The following KANSL1L variants were observed in gnomAD, a reference collection of about 807,000 sequenced individuals.
KANSL1L encodes KAT8 regulatory NSL complex subunit 1 like.
Under a neutral mutation model 108.6 loss-of-function variants are expected in KANSL1L, and 25 were observed. That is an observed-to-expected ratio of 0.23 (90% confidence interval 0.17 to 0.32). KANSL1L has a LOEUF of 0.32. KANSL1L is among the 10% of genes least tolerant of loss of function. KANSL1L has a pLI of 1.00. For missense variants in KANSL1L, 1,137 were observed against 1,125.7 expected (o/e 1.01, Z -0.14); for synonymous variants, 405 against 395.1 (o/e 1.03, Z -0.30).
chr2:210,076,746 C>A (rs2094545316), intron 5 of KANSL1L, among the ~76,000 whole-genome samples: 1 of 151,330 alleles, frequency 6.6e-6, no homozygotes, highest in Non-Finnish European at 1.5e-5. Context: ...AGGATGATAA[C>A]CCTCGTTGCC....
Position 210,121,037 on chromosome 2 carries a change from C to T in KANSL1L, c.1230+7994G>A, listed in dbSNP as rs559131284. Among the ~76,000 whole-genome samples the T allele has an allele frequency of 3.9e-5, 6 of 152,280 alleles. 1 individual carries two copies. The highest frequency in any genetic ancestry group is 4.2e-4 in the South Asian group (2 of 4,818). On this transcript the variant is annotated intron_variant, in intron 3 of 14. Transcript: ENST00000281772. ...TTGTGGAGAAAAAGGAATGCTTTTA[C>T]ACCACTGGTGAGAGTGAAATTAGTT...
intron 8 of KANSL1L, chr2:210,032,097 T>C (rs1357798558): frequency 6.6e-6 from 1 of 152,282 alleles, no homozygotes; most frequent in Non-Finnish European, 1.5e-5. Context: ...TTATCATGAT[T>C]GTATATCTGA....
At chr2:210,141,022 ACTTTT>A (rs1484486452) in intron 2 of KANSL1L, among the ~76,000 whole-genome samples, 1 of 151,992 alleles carries the variant, frequency 6.6e-6, no homozygotes, top group Non-Finnish European at 1.5e-5. Flanking sequence ...GGGTCTTTAC[ACTTTT>A]CTTATCTCTA....
intron 8 of KANSL1L, among the ~76,000 whole-genome samples, chr2:210,036,175 T>C (rs983856124): frequency 2.0e-5 from 3 of 152,200 alleles, no homozygotes; most frequent in East Asian, 1.9e-4. Context: ...TCCTTATTTA[T>C]ATCTTCTTTA....
chr2:210,074,818 ATAG>A (rs1309266056), intron 6 of KANSL1L, among the ~76,000 whole-genome samples: 6 of 152,240 alleles, frequency 3.9e-5, no homozygotes, highest in African/African-American at 1.4e-4. Context: ...ACAATATTAA[ATAG>A]TAGTATCAAT....
intron 4 of KANSL1L, among the ~76,000 whole-genome samples, chr2:210,100,663 G>C (rs1380544171): frequency 6.6e-6 from 1 of 152,144 alleles, no homozygotes. Context: ...GTTTCAGACA[G>C]TGTCTCGTTC....
rs200658348 is a variant in KANSL1L at position 210,104,214 on chromosome 2, T to G, written c.1318A>C (p.Ile440Leu). 6.2e-7 allele frequency: 1 copy of G among 1,613,744 alleles called. No homozygotes were observed. Among genetic ancestry groups the G allele is most frequent in the Non-Finnish European group, 8.5e-7 (1 of 1,179,676 alleles). The change falls in exon 4 of 15, where the codon ATT becomes CTT. Residue 440 changes from isoleucine to leucine, a missense_variant. By Grantham distance (5) the Ile-to-Leu change is conservative (BLOSUM62 2). Around this residue, in one of 3 missense-constraint regions of KANSL1L, gnomAD observed 556 missense variants for 537.7 expected, o/e 1.03. Coordinates refer to ENST00000281772, the MANE Select transcript of KANSL1L (RefSeq NM_152519.4). ...QFADQAASLN[I>L]LGNPQVPQEC... The stretch of plus-strand genomic sequence containing the variant: ...TGGGGAACCTGAGGATTCCCTAGAA[T>G]GTTTAGTGAAGCTGCTTGGTCTGCA...
At chr2:210,033,166 G>T (rs1285473837) in intron 8 of KANSL1L, among the ~76,000 whole-genome samples, 1 of 152,198 alleles carries the variant, frequency 6.6e-6, no homozygotes, top group Non-Finnish European at 1.5e-5. Context: ...AGTGATAGCT[G>T]AAGTGTTTTC....
Position 210,071,694 on chromosome 2 carries a change from C to T in KANSL1L, c.1755+3858G>A, listed in dbSNP as rs909947804. Among the ~76,000 whole-genome samples the T allele has an allele frequency of 8.5e-5, 13 of 152,238 alleles. No homozygotes were observed. In the East Asian group the frequency reaches 2.5e-3, roughly 29 times the overall value. ...ATTAGGTCATATTCTAAGGTGCTAG[C>T]TGTTAGAACGTCAATATAAGAGTTC... On this transcript the variant is annotated intron_variant, in intron 6 of 14. Coordinates refer to ENST00000281772, the MANE Select transcript of KANSL1L (RefSeq NM_152519.4).
chr2:210,171,153 T>C lies in KANSL1L; in HGVS notation c.-34A>G, dbSNP rs1303172063. ...GCTGAGACGCCGGCCACTCGCCTGC[T>C]GGGGCGCCCTGGCTCCCCTCCGCCG... is the stretch of plus-strand genomic sequence containing the variant. On this transcript the variant is annotated 5_prime_UTR_variant, in exon 1 of 15. Coordinates refer to ENST00000281772, the MANE Select transcript of KANSL1L (RefSeq NM_152519.4). 6.5e-6 allele frequency: 1 copy of C among 154,312 alleles called. No individual in the cohort carries two copies. The highest frequency in any genetic ancestry group is 1.9e-4 in the East Asian group (1 of 5,248). 9.6% of individuals were successfully genotyped at this position (154,312 alleles called of 1,614,324 possible).
At chr2:210,145,668 G>A (rs915284918) in intron 2 of KANSL1L, among the ~76,000 whole-genome samples, 1 of 152,198 alleles carries the variant, frequency 6.6e-6, no homozygotes, top group African/African-American at 2.4e-5. Flanking sequence ...TGGGGTCCAA[G>A]GAGTGGTCTA....
intron 5 of KANSL1L, among the ~76,000 whole-genome samples, chr2:210,089,419 G>GT (rs2094670975): frequency 6.6e-6 from 1 of 152,026 alleles, no homozygotes; most frequent in Admixed American, 6.6e-5. Flanking sequence ...GAACCCTTAT[G>GT]TTTTTACTGT....
rs2093900852 is a variant in KANSL1L at position 210,024,138 on chromosome 2, A to G, written c.2628T>C (p.Ser876=). ...LLLKEYPNNF[S]SSQQCAAASP... is the part of the protein sequence containing the mutation. ...TTGCAGCAGCACATTGCTGACTGCTACTGAAGTTATTAGGGTATTCTTTCA... is the reference window on the plus strand; with the variant it reads ...TTGCAGCAGCACATTGCTGACTGCTGCTGAAGTTATTAGGGTATTCTTTCA... Residue 876 remains serine (S), a synonymous_variant, in exon 14 of 15, where the codon AGT becomes AGC. Coordinates refer to ENST00000281772, the MANE Select transcript of KANSL1L (RefSeq NM_152519.4). The G allele has an allele frequency of 1.2e-6, 2 of 1,611,004 alleles. No homozygotes were observed. Among genetic ancestry groups the G allele is most frequent in the Admixed American group, 1.7e-5 (1 of 59,616 alleles).
In KANSL1L at chr2:210,040,455, T is replaced by A; in HGVS notation, c.1994A>T (p.Lys665Ile). The A allele has an allele frequency of 6.4e-7, 1 of 1,558,176 alleles. No individual in the cohort carries two copies. The highest frequency in any genetic ancestry group is 8.8e-7 in the Non-Finnish European group (1 of 1,132,638). The change falls in exon 8 of 15, where the codon AAA becomes ATA. Residue 665 changes from lysine to isoleucine, a missense_variant. Around this residue, in one of 3 missense-constraint regions of KANSL1L, gnomAD observed 575 missense variants for 567.1 expected, o/e 1.01. Transcript: ENST00000281772. ...AGATATGATATATTCATCTACAAAT[T>A]TATTTTCAGCAAGATTGCCTTTTAT... is the stretch of plus-strand genomic sequence containing the variant. ...TEIKGNLAEN[K>I]FVDEYIISPS...
chr2:210,075,617 G>C lies in KANSL1L; in HGVS notation c.1690C>G (p.Pro564Ala), dbSNP rs757158855. The C allele has an allele frequency of 6.2e-7, 1 of 1,614,006 alleles. No individual in the cohort carries two copies. The highest frequency in any genetic ancestry group is 8.5e-7 in the Non-Finnish European group (1 of 1,179,914). ...TFMSTSARTR[P>A]LQSFHKRKLY... ...TTTCGTTTGTGGAAACTCTGAAGTG[G>C]CCTTGTTCGGGCTGATGTACTCATG... Residue 564 changes from proline (P) to alanine (A), a missense_variant, in exon 6 of 15, where the codon CCA (proline) becomes GCA (alanine). Around this residue, in one of 3 missense-constraint regions of KANSL1L, gnomAD observed 575 missense variants for 567.1 expected, o/e 1.01. Coordinates refer to ENST00000281772, the MANE Select transcript of KANSL1L (RefSeq NM_152519.4).
chr2:210,060,619 C>T (rs1454849740), intron 6 of KANSL1L, among the ~76,000 whole-genome samples: 3 of 152,196 alleles, frequency 2.0e-5, no homozygotes, highest in African/African-American at 7.2e-5. Context: ...AAATAGCGTT[C>T]TTCAGAGTAA....
chr2:210,053,827 C>T lies in KANSL1L; in HGVS notation c.1756-9723G>A, dbSNP rs985033834. Reference sequence around the variant, plus strand: ...ATTTCCTTAATATATATGTATATATCAGAAAAAATGTAATAAAATATAATT... The same window carrying T: ...ATTTCCTTAATATATATGTATATATTAGAAAAAATGTAATAAAATATAATT... On this transcript the variant is annotated intron_variant, in intron 6 of 14. Transcript: ENST00000281772. 4.6e-5 allele frequency among the ~76,000 whole-genome samples: 7 copies of T among 151,546 alleles called. 1 individual carries two copies. Among genetic ancestry groups the T allele is most frequent in the Non-Finnish European group, 8.8e-5 (6 of 67,930 alleles).
chr2:210,079,650 A>ATATGTATGTG lies in KANSL1L; in HGVS notation c.1551-3895_1551-3894insCACATACATA, dbSNP rs1553653252. On this transcript the variant is annotated intron_variant, in intron 5 of 14. Coordinates refer to ENST00000281772, the MANE Select transcript of KANSL1L (RefSeq NM_152519.4). The stretch of plus-strand genomic sequence containing the variant: ...TATATATATATATATATATATATAT[A>ATATGTATGTG]TATATATATATATATGTATGTGTGT... 3.6e-3 allele frequency among the ~76,000 whole-genome samples: 71 copies of ATATGTATGTG among 19,516 alleles called. 2 individuals are homozygous for ATATGTATGTG. The highest frequency in any genetic ancestry group is 0.029 in the Middle Eastern group (1 of 34). The allele number at this position is 19,516 out of a possible 152,430, so 12.8% of individuals were successfully genotyped here. A position where few individuals can be genotyped will look rare whatever the true frequency, so the allele number is the denominator to read the frequency against.
At chr2:210,051,737 G>A (rs1048383191) in intron 6 of KANSL1L, among the ~76,000 whole-genome samples, 2 of 151,944 alleles carry the variant, frequency 1.3e-5, no homozygotes, top group Non-Finnish European at 2.9e-5. Flanking sequence ...TTTTCCCTTC[G>A]AAGCTTTAAC....
Sources: gnomAD v4.1 joint callset for allele counts (sites outside exome capture counted in the v4.1 genomes callset) on GRCh38, gnomAD v4.1.1 for gene constraint, gnomAD v4.1.1 regional missense constraint, MANE v1.5 for transcripts, NCBI Gene and HGNC (gene_info 2026-07-23, HGNC 2026-07-21) for gene names.